ANTXR1: variants seen among roughly 807,000 people sequenced by gnomAD.
The protein encoded by ANTXR1 is anthrax toxin receptor 1.
In ANTXR1, 19 loss-of-function variants were observed where a neutral mutation model predicts 78.1. The ratio of observed to expected loss-of-function variants is 0.24; its 90% CI spans 0.17 to 0.36. ANTXR1 has a LOEUF of 0.36. Ranked by LOEUF, ANTXR1 falls within the 10% of genes least tolerant of loss-of-function variation. The pLI, the probability that ANTXR1 is intolerant of heterozygous loss-of-function variation, is 1.00. For missense variants in ANTXR1, 518 were observed against 718.6 expected (o/e 0.72, Z 3.19); for synonymous variants, 273 against 260.5 (o/e 1.05, Z -0.46).
chr2:69,210,360 T>C lies in ANTXR1; in HGVS notation c.1434+16945T>C, dbSNP rs552254148. Among the ~76,000 whole-genome samples the C allele has an allele frequency of 2.6e-5, 4 of 152,374 alleles. No homozygotes were observed. The South Asian group carries it at 8.3e-4, about 32-fold the overall frequency. On this transcript the variant is annotated intron_variant, in intron 17 of 17. Transcript: ENST00000303714. ...GCTGTTAGCGTCTTAATTGTTCATGTTGACCTTTAGAAACACATTCAAGGT... is the reference window on the plus strand; with the variant it reads ...GCTGTTAGCGTCTTAATTGTTCATGCTGACCTTTAGAAACACATTCAAGGT...
intron 13 of ANTXR1, among the ~76,000 whole-genome samples, chr2:69,166,018 A>G (rs1376429214): frequency 6.6e-6 from 1 of 152,218 alleles, no homozygotes; most frequent in Admixed American, 6.5e-5. Context: ...AAATAGTTCA[A>G]CTTCCCAGGC....
chr2:69,222,080 C>A (rs910870279), intron 17 of ANTXR1, among the ~76,000 whole-genome samples: 14 of 152,172 alleles, frequency 9.2e-5, no homozygotes, highest in Admixed American at 8.5e-4. Flanking sequence ...GTGGCCACTT[C>A]CGCTGACATT....
At chr2:69,085,806 A>G (rs902088251) in intron 8 of ANTXR1, among the ~76,000 whole-genome samples, 1 of 152,252 alleles carries the variant, frequency 6.6e-6, no homozygotes, top group African/African-American at 2.4e-5. Context: ...TCATTGGTCA[A>G]ATCACCAGCA....
intron 17 of ANTXR1, among the ~76,000 whole-genome samples, chr2:69,237,224 A>G (rs747144930): frequency 7.9e-5 from 12 of 152,142 alleles, no homozygotes; most frequent in Non-Finnish European, 1.3e-4. Flanking sequence ...AGACATTATT[A>G]TGGAGAACGT....
Position 69,196,283 on chromosome 2 carries a change from A to G in ANTXR1, c.1434+2868A>G, listed in dbSNP as rs187666400. Among the ~76,000 whole-genome samples, 981 of 152,258 alleles carry G rather than the reference A, an allele frequency of 6.4e-3. 7 individuals carry two copies. Among genetic ancestry groups the G allele is most frequent in the Non-Finnish European group, 0.01 (712 of 68,010 alleles). Reference sequence around the variant, plus strand: ...TAAGAATTTGGATACATTTGAACACACTCTCAACACTGTTACAAATTATGA... The same window carrying G: ...TAAGAATTTGGATACATTTGAACACGCTCTCAACACTGTTACAAATTATGA... On this transcript the variant is annotated intron_variant, in intron 17 of 17. Transcript: ENST00000303714.
Position 69,013,710 on chromosome 2 carries a change from C to T in ANTXR1, c.152+59C>T. 7 of 1,550,938 alleles carry T rather than the reference C, an allele frequency of 4.5e-6. No homozygotes were observed. Among genetic ancestry groups the T allele is most frequent in the Non-Finnish European group, 6.1e-6 (7 of 1,146,620 alleles). On this transcript the variant is annotated intron_variant, in intron 1 of 17. Transcript: ENST00000303714. This position sits in a 1 kb window ranked among gnomAD's most constrained non-coding sequence, Gnocchi z 5.0. ...CTAAGCGGGCGAAAACGCTTTCGCC[C>T]CGGGCCGGGCTCGTTGGCAGGGTCG...
rs890860380 is a variant in ANTXR1, at chr2:69,075,998, G to C, written c.561+340G>C. Among the ~76,000 whole-genome samples, 3 of 152,088 alleles carry C rather than the reference G, an allele frequency of 2.0e-5. No homozygotes were observed. The South Asian group carries it at 6.2e-4, about 32-fold the overall frequency. ...GTCTCACTCTGTCACCCAGGCTGGG[G>C]TACAGTGAGCTGTCTCAGCCCACTG... On this transcript the variant is annotated intron_variant, in intron 7 of 17. Transcript: ENST00000303714.
intron 17 of ANTXR1, among the ~76,000 whole-genome samples, chr2:69,216,862 A>G (rs11692547): frequency 0.37 from 56,068 of 152,064 alleles, 11,540 homozygotes; most frequent in East Asian, 0.69. Context: ...CGTGTTTGGC[A>G]CTCAGAACAA....
chr2:69,193,316 T>G lies in ANTXR1; in HGVS notation c.1354-19T>G. The G allele has an allele frequency of 6.2e-7, 1 of 1,612,996 alleles. No homozygotes were observed. The highest frequency in any genetic ancestry group is 8.5e-7 in the Non-Finnish European group (1 of 1,179,016). On this transcript the variant is annotated intron_variant, in intron 16 of 17. Transcript: ENST00000303714. ...GGTCTGGTTTCATATGTAATCTTGG[T>G]GCATTTGTTTTATTTCAGGGAAAAC... is the stretch of plus-strand genomic sequence containing the variant.
At chr2:69,148,994 C>T (rs1260024411) in intron 12 of ANTXR1, among the ~76,000 whole-genome samples, 2 of 152,222 alleles carry the variant, frequency 1.3e-5, no homozygotes, top group African/African-American at 2.4e-5. Context: ...TGAGGTTGCA[C>T]GTACACGTTA....
At chr2:69,212,961 C>CTTTTTTTTT (rs747933496) in intron 17 of ANTXR1, among the ~76,000 whole-genome samples, 6 of 98,058 alleles carry the variant, frequency 6.1e-5, no homozygotes, top group Non-Finnish European at 1.0e-4. Flanking sequence ...TGCACATCAC[C>CTTTTTTTTT]TTTTTTTTTT....
intron 10 of ANTXR1, 143 bp from the exon 11 acceptor site, chr2:69,122,874 T>C: frequency 1.2e-6 from 1 of 825,452 alleles, no homozygotes; most frequent in South Asian, 1.4e-5. Context: ...GATAGTTTGC[T>C]GTACAGCTTA....
chr2:69,159,120 G>A (rs992633948), intron 13 of ANTXR1, among the ~76,000 whole-genome samples: 6 of 152,150 alleles, frequency 3.9e-5, no homozygotes, highest in Admixed American at 6.5e-5. Flanking sequence ...TGACTTACAT[G>A]TATGTTATAT....
At chr2:69,152,140 T>G in intron 12 of ANTXR1, 29 bp from the exon 13 acceptor site, 1 of 1,609,884 alleles carries the variant, frequency 6.2e-7, no homozygotes, top group Non-Finnish European at 8.5e-7. Context: ...CCCATCCCGC[T>G]GCTGACCGCC....
At position 69,195,189 on chromosome 2, in the gene ANTXR1, G is replaced by GA. The variant is rs570286585; in HGVS notation, c.1434+1785dup. 1.2e-3 allele frequency among the ~76,000 whole-genome samples: 145 copies of GA among 124,682 alleles called. 1 individual carries two copies. The South Asian group carries it at 0.013, about 11-fold the overall frequency. The allele number at this position is 124,682 out of a possible 152,430, so 81.8% of individuals were successfully genotyped here. A position where few individuals can be genotyped will look rare whatever the true frequency, so the allele number is the denominator to read the frequency against. Reference sequence around the variant, plus strand: ...CTCAAAAAAAAAGAAAAAAGAAAAAGAAAAAAAAAAATGCTCAATCAATGA... The same window carrying GA: ...CTCAAAAAAAAAGAAAAAAGAAAAAGAAAAAAAAAAAATGCTCAATCAATGA... On this transcript the variant is annotated intron_variant, in intron 17 of 17. Transcript: ENST00000303714.
chr2:69,232,087 G>C (rs868230356), intron 17 of ANTXR1, among the ~76,000 whole-genome samples: 23 of 152,152 alleles, frequency 1.5e-4, no homozygotes, highest in African/African-American at 4.8e-4. Context: ...GGGTGGCCCA[G>C]TGATTAAAGA....
At chr2:69,154,477 T>C (rs192192624) in intron 13 of ANTXR1, among the ~76,000 whole-genome samples, 14 of 152,328 alleles carry the variant, frequency 9.2e-5, no homozygotes, top group Admixed American at 3.9e-4. Context: ...CTAAACAGTA[T>C]ACTCAGGAAT....
Position 69,084,341 on chromosome 2 carries a change from G to A in ANTXR1, c.643-6518G>A, listed in dbSNP as rs143468773. On this transcript the variant is annotated intron_variant, in intron 8 of 17. Coordinates refer to ENST00000303714, the MANE Select transcript of ANTXR1 (RefSeq NM_032208.3). ...TGTTTATCCTACACTCCTTTGGATCGGATTCTCATTGAGTGTGAAACTAAC... is the reference window on the plus strand; with the variant it reads ...TGTTTATCCTACACTCCTTTGGATCAGATTCTCATTGAGTGTGAAACTAAC... Among the ~76,000 whole-genome samples, 127 of 152,282 alleles carry A rather than the reference G, an allele frequency of 8.3e-4. 1 individual carries two copies. The highest frequency in any genetic ancestry group is 2.3e-3 in the African/African-American group (95 of 41,568).
Position 69,033,650 on chromosome 2 carries a change from G to A in ANTXR1, c.153-6394G>A, listed in dbSNP as rs75651579. 2.1e-3 allele frequency among the ~76,000 whole-genome samples: 325 copies of A among 152,262 alleles called. 3 individuals carry two copies. Among genetic ancestry groups the A allele is most frequent in the African/African-American group, 6.4e-3 (264 of 41,554 alleles). ...TCCTTCCAGGATTGGGACCCAAGTG[G>A]GTTGCTGAGGACATCAGTGACTTCA... On this transcript the variant is annotated intron_variant, in intron 1 of 17. Coordinates refer to ENST00000303714, the MANE Select transcript of ANTXR1 (RefSeq NM_032208.3).
Sources: allele counts gnomAD v4.1 joint callset (sites outside exome capture counted in the v4.1 genomes callset), GRCh38; gene constraint gnomAD v4.1.1; non-coding constraint Gnocchi (gnomAD v3.1); transcripts MANE v1.5; gene names NCBI Gene and HGNC (gene_info 2026-07-23, HGNC 2026-07-21).